Variants in HECW1 observed in about 807,000 individuals in gnomAD.
HECW1 encodes E3 ubiquitin-protein ligase HECW1.
HECW1 carries 61 observed loss-of-function variants against 182.3 expected under a neutral mutation model. That is an observed-to-expected ratio of 0.33 (90% CI 0.27 to 0.41). The LOEUF is 0.41. Ranked by LOEUF, HECW1 falls within the 10% of genes least tolerant of loss-of-function variation. The pLI is 1.00. For missense variants in HECW1, 1,739 were observed against 2,108.9 expected, an observed-to-expected ratio of 0.82 and a Z score of 3.44; for synonymous variants, 859 against 832.6, an observed-to-expected ratio of 1.03 and a Z score of -0.55.
At chr7:43,520,149 T>C (rs2152937714) in intron 24 of HECW1, among the ~76,000 whole-genome samples, 1 of 152,340 alleles carries the variant, frequency 6.6e-6, no homozygotes, top group African/African-American at 2.4e-5. Flanking sequence ...CCTAAGGACT[T>C]GATGCTGGGT....
chr7:43,411,297 C>T (rs879203187), intron 8 of HECW1, among the ~76,000 whole-genome samples: 1 of 151,944 alleles, frequency 6.6e-6, no homozygotes. Context: ...TCCTAAATAT[C>T]TTCTTGTTAC....
intron 5 of HECW1, 81 bp from the exon 6 acceptor site, chr7:43,360,805 T>C (rs1346766866): frequency 3.0e-6 from 3 of 1,014,580 alleles, no homozygotes; most frequent in African/African-American, 3.2e-5. Flanking sequence ...TTGCAGTTCT[T>C]AGAGATGTCC....
chr7:43,408,014 C>T (rs951841696), intron 8 of HECW1, among the ~76,000 whole-genome samples: 10 of 152,184 alleles, frequency 6.6e-5, no homozygotes, highest in African/African-American at 2.4e-4. Context: ...CTCTGCCCTT[C>T]ATGTGGGAGA....
intron 6 of HECW1, among the ~76,000 whole-genome samples, chr7:43,373,427 G>C (rs895542691): frequency 1.3e-5 from 2 of 151,810 alleles, no homozygotes; most frequent in African/African-American, 4.8e-5. Context: ...CAAAGTGCTG[G>C]GATTACAGGC....
At chr7:43,514,331 T>A (rs1291054924) in intron 24 of HECW1, among the ~76,000 whole-genome samples, 1 of 150,298 alleles carries the variant, frequency 6.7e-6, no homozygotes, top group African/African-American at 2.4e-5. Flanking sequence ...GGAATTTCGC[T>A]CTTGTCCCCC....
chr7:43,539,490 T>C (rs1431700514), intron 24 of HECW1, among the ~76,000 whole-genome samples: 5 of 152,262 alleles, frequency 3.3e-5, no homozygotes, highest in African/African-American at 2.4e-5. Flanking sequence ...CTGAATAAAT[T>C]TGAATAATTT....
intron 3 of HECW1, among the ~76,000 whole-genome samples, chr7:43,286,294 A>G (rs985978891): frequency 6.6e-6 from 1 of 152,210 alleles, no homozygotes; most frequent in Non-Finnish European, 1.5e-5. Context: ...AGCACAGAGC[A>G]TGCAGCCCAG....
chr7:43,254,781 A>G lies in HECW1; in HGVS notation c.27+10849A>G, dbSNP rs574993380. 1.8e-4 allele frequency among the ~76,000 whole-genome samples: 26 copies of G among 146,002 alleles called. No individual in the cohort carries two copies. In the South Asian group the frequency reaches 5.2e-3, roughly 29 times the overall value. On this transcript the variant is annotated intron_variant, in intron 3 of 29. Transcript: ENST00000395891. ...GGTCGTAATGCCCAGAGAGATGGCTACTCTCTACTTTTGAAAACCACAGAA... is the reference window on the plus strand; with the variant it reads ...GGTCGTAATGCCCAGAGAGATGGCTGCTCTCTACTTTTGAAAACCACAGAA...
chr7:43,123,305 A>AAT (rs2152607626), intron 2 of HECW1, among the ~76,000 whole-genome samples: 1 of 152,226 alleles, frequency 6.6e-6, no homozygotes, highest in East Asian at 1.9e-4. Context: ...CCTTGTCAGG[A>AAT]GCTTAGAAAT....
chr7:43,554,841 A>G (rs1174614978), intron 29 of HECW1, 51 bp downstream of exon 29: 8 of 1,505,602 alleles, frequency 5.3e-6, no homozygotes, highest in Non-Finnish European at 7.3e-6. Flanking sequence ...AGGGCAAAGT[A>G]TACTTTGCTA....
At chr7:43,137,409 C>T (rs897749250) in intron 2 of HECW1, among the ~76,000 whole-genome samples, 2 of 152,200 alleles carry the variant, frequency 1.3e-5, no homozygotes, top group African/African-American at 4.8e-5. Flanking sequence ...AGTATTCCTT[C>T]CTGCCTCTCT....
At position 43,509,081 on chromosome 7, in the gene HECW1, A is replaced by T. The variant is rs1278281139; in HGVS notation, c.3979A>T (p.Ile1327Phe). 5 of 1,614,050 alleles carry T rather than the reference A, an allele frequency of 3.1e-6. No individual in the cohort carries two copies. The highest frequency in any genetic ancestry group is 1.7e-6 in the Non-Finnish European group (2 of 1,180,000). Residue 1327 changes from isoleucine to phenylalanine, a missense_variant, in exon 24 of 30, where the codon ATC (isoleucine) becomes TTC (phenylalanine). By Grantham distance (21) the Ile-to-Phe change is conservative (BLOSUM62 0). Around this residue, in one of 5 missense-constraint regions of HECW1, gnomAD observed 420 missense variants for 595.7 expected, o/e 0.71. Coordinates refer to ENST00000395891, the MANE Select transcript of HECW1 (RefSeq NM_015052.5). Reference sequence around the variant, plus strand: ...GGCAAATGATACTTACACGGTGCAGATCAGCCCCATGTCCGCATTTGTAGA... The same window carrying T: ...GGCAAATGATACTTACACGGTGCAGTTCAGCCCCATGTCCGCATTTGTAGA... ...YSANDTYTVQ[I>F]SPMSAFVENH...
At chr7:43,123,668 C>T (rs1219843224) in intron 2 of HECW1, among the ~76,000 whole-genome samples, 6 of 152,144 alleles carry the variant, frequency 3.9e-5, no homozygotes, top group Admixed American at 3.9e-4. Context: ...AATGATCTGG[C>T]TTGGTGCACA....
chr7:43,492,654 G>T (rs762702558), intron 18 of HECW1, among the ~76,000 whole-genome samples: 4 of 152,092 alleles, frequency 2.6e-5, no homozygotes, highest in African/African-American at 9.7e-5. Flanking sequence ...CATCTAAATG[G>T]TATTTCCATT....
intron 26 of HECW1, among the ~76,000 whole-genome samples, chr7:43,543,781 CAAA>C (rs35618213): frequency 8.1e-5 from 4 of 49,644 alleles, no homozygotes; most frequent in Non-Finnish European, 8.9e-5. Flanking sequence ...CTCCATCTCA[CAAA>C]AAAAAAAAAA....
In HECW1 at chr7:43,492,184, T is replaced by C. The variant is rs756630331; in HGVS notation, c.3340+4T>C. ...CAACATGAGTCATTGCCACTGGGTA[T>C]GTATCATGCTTGTTTGAGCCCCTGG... On this transcript the variant is annotated splice_donor_region_variant and intron_variant, in intron 18 of 29. Transcript: ENST00000395891. 6 of 1,578,040 alleles carry C rather than the reference T, an allele frequency of 3.8e-6. No homozygotes were observed. The highest frequency in any genetic ancestry group is 5.2e-6 in the Non-Finnish European group (6 of 1,163,168).
chr7:43,520,820 C>T (rs984988248), intron 24 of HECW1, among the ~76,000 whole-genome samples: 10 of 152,166 alleles, frequency 6.6e-5, no homozygotes, highest in Non-Finnish European at 1.2e-4. Flanking sequence ...TGCAAAATAG[C>T]TTGAGAAAGC....
intron 6 of HECW1, among the ~76,000 whole-genome samples, chr7:43,367,400 T>C (rs1433417066): frequency 2.6e-5 from 4 of 152,248 alleles, no homozygotes; most frequent in Non-Finnish European, 5.9e-5. Flanking sequence ...AAAATCTGTT[T>C]TTAACTGAAG....
chr7:43,289,070 A>G (rs1805035330), intron 3 of HECW1, among the ~76,000 whole-genome samples: 1 of 151,976 alleles, frequency 6.6e-6, no homozygotes, highest in Non-Finnish European at 1.5e-5. Context: ...CCATCCAGTG[A>G]AAGAATGGAG....
Sources: allele counts gnomAD v4.1 joint callset (sites outside exome capture counted in the v4.1 genomes callset), GRCh38; gene constraint gnomAD v4.1.1; regional missense constraint gnomAD v4.1.1; transcripts MANE v1.5; gene names NCBI Gene and HGNC (gene_info 2026-07-23, HGNC 2026-07-21).